Variants in CELSR1 observed in about 807,000 individuals in gnomAD.
CELSR1 encodes the protein cadherin EGF LAG seven-pass G-type receptor 1, also known as adhesion G protein-coupled receptor C1.
Under a neutral mutation model 249.1 loss-of-function variants are expected in CELSR1, and 110 were observed. The ratio of observed to expected loss-of-function variants is 0.44; its 90% confidence interval spans 0.38 to 0.52. The LOEUF is 0.52. Ranked by LOEUF, CELSR1 falls within the 20% of genes least tolerant of loss-of-function variation. CELSR1 has a pLI of 0.00. For missense variants in CELSR1, 4,109 were observed against 4,296.4 expected (o/e 0.96, Z 1.22); for synonymous variants, 2,113 against 1,900.0 (o/e 1.11, Z -2.92).
At chr22:46,522,770 A>T (rs2080698697) in intron 1 of CELSR1, among the ~76,000 whole-genome samples, 1 of 152,198 alleles carries the variant, frequency 6.6e-6, no homozygotes, top group Admixed American at 6.5e-5. Context: ...AAGGGGCCCC[A>T]GGGGATGGCC....
chr22:46,537,113 C>T lies in CELSR1; in HGVS notation c.58G>A (p.Ala20Thr). Reference sequence around the variant, plus strand: ...GCTCGCAGCCCCATCGCCGGCAGGGCGGCGGCGGCGGCCAGGAGCAGCAGC... The same window carrying T: ...GCTCGCAGCCCCATCGCCGGCAGGGTGGCGGCGGCGGCCAGGAGCAGCAGC... ...PVLLLLAAAAALPAMGLRAAA... is the reference protein window; with the variant it reads ...PVLLLLAAAATLPAMGLRAAA... Residue 20 changes from alanine to threonine, a missense_variant, in exon 1 of 35, where the codon GCC becomes ACC. Ala to Thr is a moderately conservative substitution (Grantham distance 58, BLOSUM62 0). Around this residue, in one of 7 missense-constraint regions of CELSR1, gnomAD observed 673 missense variants for 636.8 expected, o/e 1.06. Transcript: ENST00000674500. This position sits in a 1 kb window ranked among gnomAD's most constrained non-coding sequence, Gnocchi z 5.8. The T allele has an allele frequency of 9.7e-7, 1 of 1,032,754 alleles. No homozygotes were observed. Among genetic ancestry groups the T allele is most frequent in the Non-Finnish European group, 1.2e-6 (1 of 863,596 alleles). 64.0% of individuals were successfully genotyped at this position (1,032,754 alleles called of 1,614,324 possible).
At chr22:46,530,374 T>C (rs1054073781) in intron 1 of CELSR1, 1 of 149,450 alleles carries the variant, frequency 6.7e-6, no homozygotes, top group East Asian at 1.9e-4. Flanking sequence ...ATTCATTATA[T>C]ATAAATTGTT....
intron 29 of CELSR1, 145 bp from the exon 30 acceptor site, chr22:46,366,625 G>A (rs1241907181): frequency 2.8e-6 from 2 of 712,636 alleles, no homozygotes; most frequent in Non-Finnish European, 4.9e-6. Flanking sequence ...CTGGCCCCAA[G>A]CAGTCAACCC....
At chr22:46,419,525 C>T (rs534607513) in intron 5 of CELSR1, among the ~76,000 whole-genome samples, 2 of 152,042 alleles carry the variant, frequency 1.3e-5, no homozygotes, top group African/African-American at 2.4e-5. Context: ...CTCCTCCACA[C>T]GGGCACCGGG....
rs878930811 is a variant in CELSR1 at position 46,363,325 on chromosome 22, CG to C, written c.9036-79del. 130 of 1,251,050 alleles carry C rather than the reference CG, an allele frequency of 1.0e-4. 1 individual carries two copies. The highest frequency in any genetic ancestry group is 1.0e-3 in the Middle Eastern group (5 of 5,020). 77.5% of individuals were successfully genotyped at this position (1,251,050 alleles called of 1,614,324 possible). On this transcript the variant is annotated intron_variant, in intron 34 of 34. Transcript: ENST00000674500. The surrounding 1 kb of genome is among the most constrained non-coding windows in gnomAD (Gnocchi z 4.3). ...CTTGGTGGGGCCCAAGGTTGTCACA[CG>C]GGGGGGCAGGATCACCCCATCAGGG...
At chr22:46,502,080 T>C (rs892437164) in intron 1 of CELSR1, among the ~76,000 whole-genome samples, 6 of 151,748 alleles carry the variant, frequency 4.0e-5, no homozygotes, top group African/African-American at 9.7e-5. Flanking sequence ...GTCCAGGCAA[T>C]GTAGCAAGGC....
At position 46,534,781 on chromosome 22, in the gene CELSR1, C is replaced by T. The variant is rs750247992; in HGVS notation, c.2390G>A (p.Ser797Asn). ...GCCCACAGGCCTGTCCTCACTGACA[C>T]TCACTGTGTAATGGGAGCTCTGAAA... ...PVFQSSHYTV[S>N]VSEDRPVGTS... Residue 797 changes from serine (S) to asparagine (N), a missense_variant, in exon 1 of 35, where the codon AGT (serine) becomes AAT (asparagine). Ser to Asn is a conservative substitution (Grantham distance 46). Coordinates refer to ENST00000674500, the MANE Select transcript of CELSR1 (RefSeq NM_001378328.1). This position sits in a 1 kb window ranked among gnomAD's most constrained non-coding sequence, Gnocchi z 9.7. The T allele has an allele frequency of 2.5e-6, 4 of 1,613,088 alleles. No homozygotes were observed. In the African/African-American group the frequency reaches 4.0e-5, roughly 16 times the overall value.
chr22:46,483,574 C>T (rs181456677), intron 1 of CELSR1, among the ~76,000 whole-genome samples: 63 of 152,112 alleles, frequency 4.1e-4, no homozygotes, highest in Middle Eastern at 3.4e-3. Context: ...TCAGTAAAAC[C>T]GGGTGATTGG....
At chr22:46,453,140 T>C (rs962041718) in intron 2 of CELSR1, among the ~76,000 whole-genome samples, 18 of 152,174 alleles carry the variant, frequency 1.2e-4, no homozygotes, top group African/African-American at 4.1e-4. Flanking sequence ...GGTCTGGCCA[T>C]GCTCCTGCTA....
intron 9 of CELSR1, among the ~76,000 whole-genome samples, chr22:46,403,971 C>CAAAAA (rs756055741): frequency 2.5e-4 from 12 of 48,344 alleles, no homozygotes; most frequent in South Asian, 7.1e-4. Flanking sequence ...AACTCCGTCT[C>CAAAAA]AAAAAAAAAA....
At chr22:46,531,337 C>T (rs1569222772) in intron 1 of CELSR1, among the ~76,000 whole-genome samples, 1 of 152,226 alleles carries the variant, frequency 6.6e-6, no homozygotes, top group African/African-American at 2.4e-5. Flanking sequence ...TCCCGAGTAG[C>T]TGGGACTACA....
rs1356358265 is a variant in CELSR1, at chr22:46,407,825, G to C, written c.5226+1171C>G. On this transcript the variant is annotated intron_variant, in intron 9 of 34. Transcript: ENST00000674500. This position sits in a 1 kb window ranked among gnomAD's most constrained non-coding sequence, Gnocchi z 4.8. ...TTTTTAGGAGGGAGAATTGCCCAGT[G>C]AGTTTTCAGAGCTAGACCCTGATCA... 2.0e-5 allele frequency among the ~76,000 whole-genome samples: 3 copies of C among 152,202 alleles called. No homozygotes were observed. The highest frequency in any genetic ancestry group is 6.5e-5 in the Admixed American group (1 of 15,282).
At position 46,536,672 on chromosome 22, in the gene CELSR1, G is replaced by A. The variant is rs1162218246; in HGVS notation, c.499C>T (p.Pro167Ser). ...GGCGGCAGGCAGATGGGACGGCCGG[G>A]ACAGCGGGGCCTGGGGCGCGGCGGG... ...RCPPRPRPRC[P>S]GRPICLPPGG... Residue 167 changes from proline (P) to serine (S), a missense_variant, in exon 1 of 35, where the codon CCC becomes TCC. Physicochemically the swap from Pro to Ser is moderately conservative, Grantham distance 74 (BLOSUM62 -1). Coordinates refer to ENST00000674500, the MANE Select transcript of CELSR1 (RefSeq NM_001378328.1). 6.8e-6 allele frequency: 8 copies of A among 1,169,478 alleles called. No individual in the cohort carries two copies. In the African/African-American group the frequency reaches 8.1e-5, roughly 12 times the overall value. The allele number at this position is 1,169,478 out of a possible 1,614,324, so 72.4% of individuals were successfully genotyped here.
intron 1 of CELSR1, among the ~76,000 whole-genome samples, chr22:46,504,489 G>T (rs1295797370): frequency 7.2e-6 from 1 of 138,678 alleles, no homozygotes; most frequent in Admixed American, 7.7e-5. Flanking sequence ...ATCCCAGCCT[G>T]GCGACATCTG....
At chr22:46,492,183 G>C (rs934217280) in intron 1 of CELSR1, among the ~76,000 whole-genome samples, 15 of 152,168 alleles carry the variant, frequency 9.9e-5, no homozygotes, top group African/African-American at 3.4e-4. Context: ...ATTCCTCCAG[G>C]AATGAAGCCG....
At chr22:46,419,238 G>C (rs1477266638) in intron 5 of CELSR1, among the ~76,000 whole-genome samples, 1 of 152,186 alleles carries the variant, frequency 6.6e-6, no homozygotes, top group East Asian at 1.9e-4. Context: ...TTGCTCAGAG[G>C]GGGGTCTTCT....
Position 46,446,201 on chromosome 22 carries a change from G to A in CELSR1, c.4184-6790C>T, listed in dbSNP as rs2079818124. On this transcript the variant is annotated intron_variant, in intron 2 of 34. Transcript: ENST00000674500. This position sits in a 1 kb window ranked among gnomAD's most constrained non-coding sequence, Gnocchi z 5.5. The stretch of plus-strand genomic sequence containing the variant: ...CCTCCTCCCAGGGCAGCTACAGATG[G>A]CCCTGTGCGTACACTGCAGGCCATC... Among the ~76,000 whole-genome samples, 1 of 152,154 alleles carries A rather than the reference G, an allele frequency of 6.6e-6. No homozygotes were observed. The highest frequency in any genetic ancestry group is 2.1e-4 in the South Asian group (1 of 4,818).
In CELSR1 at chr22:46,413,880, C is replaced by G. The variant is rs898537916; in HGVS notation, c.4612-2121G>C. Among the ~76,000 whole-genome samples the G allele has an allele frequency of 6.6e-6, 1 of 152,202 alleles. No homozygotes were observed. The highest frequency in any genetic ancestry group is 2.4e-5 in the African/African-American group (1 of 41,462). On this transcript the variant is annotated intron_variant, in intron 5 of 34. Transcript: ENST00000674500. This position sits in a 1 kb window ranked among gnomAD's most constrained non-coding sequence, Gnocchi z 4.7. ...CCTCACTTTGTGAGCCCCACCTTAT[C>G]TTTACAACTTATAATTTACATTTTT...
Position 46,390,533 on chromosome 22 carries a change from A to T in CELSR1, c.6251-47T>A. 1 of 1,436,904 alleles carries T rather than the reference A, an allele frequency of 7.0e-7. No individual in the cohort carries two copies. Among genetic ancestry groups the T allele is most frequent in the Non-Finnish European group, 9.7e-7 (1 of 1,026,020 alleles). 89.0% of individuals were successfully genotyped at this position (1,436,904 alleles called of 1,614,324 possible). On this transcript the variant is annotated intron_variant, in intron 16 of 34. Coordinates refer to ENST00000674500, the MANE Select transcript of CELSR1 (RefSeq NM_001378328.1). The surrounding 1 kb of genome is among the most constrained non-coding windows in gnomAD (Gnocchi z 6.3). ...GCAAAGCCTGAAACTCAAACTGTTG[A>T]TCAATGCTTGTGTATTTCAATCCAC...
Sources: gnomAD v4.1 joint callset for allele counts (sites outside exome capture counted in the v4.1 genomes callset) on GRCh38, gnomAD v4.1.1 for gene constraint, gnomAD v4.1.1 regional missense constraint, Gnocchi (gnomAD v3.1) non-coding constraint, MANE v1.5 for transcripts, NCBI Gene and HGNC (gene_info 2026-07-23, HGNC 2026-07-21) for gene names.